Variants in DOCK1 observed in about 807,000 individuals in gnomAD.
DOCK1 encodes dedicator of cytokinesis 1, also known as dedicator of cytokinesis protein 1.
In DOCK1, 138 loss-of-function variants were observed where a neutral mutation model predicts 262.7. The observed-to-expected ratio is 0.53, with a 90% CI of 0.46 to 0.61. The LOEUF is 0.61. Ranked by LOEUF, DOCK1 falls within the 20% of genes least tolerant of loss-of-function variation. The pLI, the probability that DOCK1 is intolerant of heterozygous loss-of-function variation, is 0.00. For synonymous variants in DOCK1, 866 were observed against 867.4 expected (o/e 1.00, Z 0.03); for missense variants, 1,908 against 2,370.7 (o/e 0.80, Z 4.05).
At chr10:126,963,626 T>TCC (rs2037418394) in intron 1 of DOCK1, among the ~76,000 whole-genome samples, 2 of 55,030 alleles carry the variant, frequency 3.6e-5, no homozygotes, top group African/African-American at 2.1e-4. Flanking sequence ...TTCCCTTCCC[T>TCC]TCCCTTCCCT....
intron 27 of DOCK1, among the ~76,000 whole-genome samples, chr10:127,239,468 TTAA>T (rs1471285541): frequency 2.6e-5 from 4 of 152,198 alleles, no homozygotes; most frequent in Non-Finnish European, 4.4e-5. Context: ...ACATTTCTCC[TTAA>T]TACATCATCC....
intron 1 of DOCK1, among the ~76,000 whole-genome samples, chr10:126,922,234 A>AT (rs2033277333): frequency 7.0e-6 from 1 of 142,246 alleles, no homozygotes; most frequent in Admixed American, 7.2e-5. Flanking sequence ...AAAAAAAAAA[A>AT]GGAAAGAGTT....
chr10:127,314,046 A>G (rs148727217), intron 29 of DOCK1, among the ~76,000 whole-genome samples: 4 of 152,330 alleles, frequency 2.6e-5, no homozygotes, highest in Admixed American at 2.6e-4. Flanking sequence ...ATGCCCGTGA[A>G]TAATGAGGCT....
chr10:126,912,497 C>T (rs574579251), intron 1 of DOCK1, among the ~76,000 whole-genome samples: 12 of 151,046 alleles, frequency 7.9e-5, no homozygotes, highest in Non-Finnish European at 1.3e-4. Context: ...GAGGCCAAGG[C>T]GGGGAGATCA....
chr10:126,960,861 T>G (rs1418938361), intron 1 of DOCK1, among the ~76,000 whole-genome samples: 2 of 149,434 alleles, frequency 1.3e-5, no homozygotes, highest in African/African-American at 5.0e-5. Context: ...CATGTAGATA[T>G]GAACCCAATA....
At chr10:127,167,502 T>TC (rs973804556) in intron 27 of DOCK1, among the ~76,000 whole-genome samples, 3 of 151,862 alleles carry the variant, frequency 2.0e-5, no homozygotes, top group South Asian at 4.2e-4. Context: ...GCAGCGAGGT[T>TC]CCCCCCCGCC....
At chr10:127,250,411 G>A (rs914901377) in intron 28 of DOCK1, among the ~76,000 whole-genome samples, 2 of 152,132 alleles carry the variant, frequency 1.3e-5, no homozygotes, top group Admixed American at 1.3e-4. Flanking sequence ...ACTGTGTGTT[G>A]TGGTCCCAAT....
rs1216809857 is a variant in DOCK1 at position 127,186,504 on chromosome 10, A to AC, written c.2847+58742dup. ...CAATCATGATAACAGCATGGGAGAA[A>AC]CCGCCCCCCCGCCCCCCCCCGATCC... On this transcript the variant is annotated intron_variant, in intron 27 of 51. Coordinates refer to ENST00000623213, the MANE Select transcript of DOCK1 (RefSeq NM_001290223.2). Among the ~76,000 whole-genome samples the AC allele has an allele frequency of 3.2e-3, 29 of 9,010 alleles. 3 individuals are homozygous for AC. The highest frequency in any genetic ancestry group is 6.0e-3 in the South Asian group (1 of 168). The allele number at this position is 9,010 out of a possible 152,430, so 5.9% of individuals were successfully genotyped here.
At chr10:127,166,581 G>A (rs1446715419) in intron 27 of DOCK1, among the ~76,000 whole-genome samples, 1 of 152,174 alleles carries the variant, frequency 6.6e-6, no homozygotes, top group Non-Finnish European at 1.5e-5. Context: ...GATTAAAGAA[G>A]ATAATACCAA....
chr10:127,364,062 C>T (rs993935864), intron 33 of DOCK1, among the ~76,000 whole-genome samples: 2 of 152,218 alleles, frequency 1.3e-5, no homozygotes, highest in African/African-American at 4.8e-5. Flanking sequence ...CTCTCAAGGC[C>T]GGAACCTCCC....
intron 29 of DOCK1, among the ~76,000 whole-genome samples, chr10:127,293,900 C>G (rs920596317): frequency 6.6e-6 from 1 of 152,224 alleles, no homozygotes. Context: ...CCATCCACTT[C>G]CCCACCCAAC....
At chr10:127,377,891 CAAAAAAAAAA>C (rs71490127) in intron 35 of DOCK1, among the ~76,000 whole-genome samples, 1 of 104,764 alleles carries the variant, frequency 9.5e-6, no homozygotes, top group Non-Finnish European at 1.9e-5. Flanking sequence ...GACTCTGTCT[CAAAAAAAAAA>C]AAAAAAAAGA....
chr10:127,072,779 G>A (rs937709000), intron 23 of DOCK1, among the ~76,000 whole-genome samples: 7 of 152,184 alleles, frequency 4.6e-5, no homozygotes, highest in African/African-American at 1.4e-4. Context: ...GCACTGCCAT[G>A]GTGGTTGTTA....
At chr10:126,962,929 T>A (rs1194125445) in intron 1 of DOCK1, among the ~76,000 whole-genome samples, 2 of 142,382 alleles carry the variant, frequency 1.4e-5, no homozygotes, top group Non-Finnish European at 3.0e-5. Context: ...TCCAACTTCA[T>A]TTTTTTTTGC....
At chr10:127,438,943 G>C in intron 48 of DOCK1, 84 bp from the exon 49 acceptor site, 1 of 1,351,074 alleles carries the variant, frequency 7.4e-7, no homozygotes, top group Non-Finnish European at 1.0e-6. Flanking sequence ...AAATGTCTTC[G>C]ATGGATTGTG....
chr10:127,396,754 CAAAAAAAA>C (rs372642343), intron 38 of DOCK1, among the ~76,000 whole-genome samples: 4 of 134,146 alleles, frequency 3.0e-5, no homozygotes, highest in East Asian at 2.2e-4. Flanking sequence ...ATCTCTGTTA[CAAAAAAAA>C]AAAAAAAAAA....
intron 27 of DOCK1, among the ~76,000 whole-genome samples, chr10:127,148,974 A>G (rs2052196670): frequency 1.3e-5 from 2 of 152,188 alleles, no homozygotes; most frequent in Non-Finnish European, 1.5e-5. Context: ...CACGTTTGGT[A>G]CTTGGGGTTT....
Position 126,927,911 on chromosome 10 carries a change from C to T in DOCK1, c.46+22348C>T, listed in dbSNP as rs1158151686. ...CTTGGGGCCAGGCAGTTACCATGCT[C>T]GGCGGAGAGGTGAGTGGTCTCAGGG... On this transcript the variant is annotated intron_variant, in intron 1 of 51. Coordinates refer to ENST00000623213, the MANE Select transcript of DOCK1 (RefSeq NM_001290223.2). 6.6e-5 allele frequency among the ~76,000 whole-genome samples: 10 copies of T among 152,164 alleles called. No individual in the cohort carries two copies. In the South Asian group the frequency reaches 1.2e-3, roughly 19 times the overall value.
chr10:127,305,564 A>C (rs1249255666), intron 29 of DOCK1, among the ~76,000 whole-genome samples: 1 of 152,116 alleles, frequency 6.6e-6, no homozygotes, highest in African/African-American at 2.4e-5. Context: ...CCATTCTGGG[A>C]ACAGTAAAGA....
Sources: allele counts gnomAD v4.1 joint callset (sites outside exome capture counted in the v4.1 genomes callset), GRCh38; gene constraint gnomAD v4.1.1; transcripts MANE v1.5; gene names NCBI Gene and HGNC (gene_info 2026-07-23, HGNC 2026-07-21).